The following NLGN1 variants were observed in gnomAD, a reference collection of about 807,000 sequenced individuals.
NLGN1 encodes the protein neuroligin-1.
Under a neutral mutation model 65.5 loss-of-function variants are expected in NLGN1, and 12 were observed. The observed-to-expected ratio is 0.18, with a 90% CI of 0.12 to 0.30. The LOEUF is 0.30. Ranked by LOEUF, NLGN1 falls within the 10% of genes least tolerant of loss-of-function variation. The pLI is 1.00. For missense variants in NLGN1, 750 were observed against 1,007.1 expected (o/e 0.74, Z 3.46); for synonymous variants, 350 against 359.5 (o/e 0.97, Z 0.30).
chr3:174,234,039 C>G (rs1391240780), intron 4 of NLGN1, among the ~76,000 whole-genome samples: 1 of 151,830 alleles, frequency 6.6e-6, no homozygotes, highest in Non-Finnish European at 1.5e-5. Context: ...TTTTAAGTTC[C>G]ATGTGAATAG....
chr3:173,974,844 T>C (rs1717067466), intron 4 of NLGN1, among the ~76,000 whole-genome samples: 1 of 152,102 alleles, frequency 6.6e-6, no homozygotes, highest in Non-Finnish European at 1.5e-5. Flanking sequence ...TCTTATTGTC[T>C]TATTTCCTAG....
rs1278831535 is a variant in NLGN1 at position 174,110,949 on chromosome 3, C to G, written c.647-164366C>G. ...ATAGTTACTTCTGCTTTTTAAAGGTCACAGTCAGAAACACCCAAAGTAAGT... is the reference window on the plus strand; with the variant it reads ...ATAGTTACTTCTGCTTTTTAAAGGTGACAGTCAGAAACACCCAAAGTAAGT... On this transcript the variant is annotated intron_variant, in intron 4 of 6. Transcript: ENST00000457714. 2.0e-5 allele frequency among the ~76,000 whole-genome samples: 3 copies of G among 151,878 alleles called. No homozygotes were observed. The East Asian group carries it at 5.8e-4, about 29-fold the overall frequency.
intron 4 of NLGN1, among the ~76,000 whole-genome samples, chr3:173,953,200 C>T (rs1308458389): frequency 6.6e-6 from 1 of 152,162 alleles, no homozygotes; most frequent in Admixed American, 6.5e-5. Context: ...TGTATTTAAA[C>T]ATGTAAGTGA....
intron 4 of NLGN1, among the ~76,000 whole-genome samples, chr3:174,073,394 C>A (rs989667181): frequency 1.4e-4 from 21 of 151,944 alleles, no homozygotes; most frequent in African/African-American, 4.3e-4. Flanking sequence ...GGCGGGGGGG[C>A]ACTTTAGCAT....
At chr3:173,433,651 G>T (rs1323503690) in intron 1 of NLGN1, among the ~76,000 whole-genome samples, 2 of 151,876 alleles carry the variant, frequency 1.3e-5, no homozygotes, top group Admixed American at 1.3e-4. Flanking sequence ...CTTTATTGCT[G>T]GTACATAGAT....
Position 174,018,006 on chromosome 3 carries a change from T to A in NLGN1, c.646+210174T>A, listed in dbSNP as rs1726957809. Reference sequence around the variant, plus strand: ...GGAGACCGGGGCTTATTTCATCCCTTATCTGCAACCATAAAAGACAGATGT... The same window carrying A: ...GGAGACCGGGGCTTATTTCATCCCTAATCTGCAACCATAAAAGACAGATGT... On this transcript the variant is annotated intron_variant, in intron 4 of 6. Coordinates refer to ENST00000457714, the Ensembl canonical transcript of NLGN1. Among the ~76,000 whole-genome samples the A allele has an allele frequency of 2.0e-5, 3 of 152,124 alleles. No individual in the cohort carries two copies. The South Asian group carries it at 6.2e-4, about 31-fold the overall frequency.
exon 7 of NLGN1, chr3:174,284,000 C>T (rs1300220163): frequency 1.3e-5 from 2 of 151,256 alleles, no homozygotes; most frequent in East Asian, 1.9e-4. Flanking sequence ...TATGTTTTAA[C>T]GATGGCCATA....
chr3:173,748,968 T>C (rs1410129866), intron 3 of NLGN1, among the ~76,000 whole-genome samples: 2 of 152,068 alleles, frequency 1.3e-5, no homozygotes, highest in Admixed American at 6.6e-5. Context: ...AGGTGCGTCA[T>C]TATATGCACA....
intron 2 of NLGN1, among the ~76,000 whole-genome samples, chr3:173,471,695 C>T (rs952081502): frequency 3.3e-5 from 5 of 152,116 alleles, no homozygotes; most frequent in African/African-American, 9.6e-5. Context: ...ATGCCTTTAA[C>T]ATTTATTAAG....
At position 174,076,531 on chromosome 3, in the gene NLGN1, C is replaced by T. The variant is rs540043063; in HGVS notation, c.647-198784C>T. 6.4e-4 allele frequency among the ~76,000 whole-genome samples: 98 copies of T among 152,258 alleles called. 2 individuals carry two copies. The South Asian group carries it at 0.02, about 31-fold the overall frequency. On this transcript the variant is annotated intron_variant, in intron 4 of 6. Transcript: ENST00000457714. Reference sequence around the variant, plus strand: ...TTCCTCTGTTCTCAACCAAAGGTTTCATCTAAACTGGAAATGTTTTTCTGT... The same window carrying T: ...TTCCTCTGTTCTCAACCAAAGGTTTTATCTAAACTGGAAATGTTTTTCTGT...
At chr3:174,065,994 T>C (rs1738467267) in intron 4 of NLGN1, among the ~76,000 whole-genome samples, 1 of 152,222 alleles carries the variant, frequency 6.6e-6, no homozygotes, top group African/African-American at 2.4e-5. Flanking sequence ...GAAACTATGA[T>C]GTAATAAATA....
intron 2 of NLGN1, among the ~76,000 whole-genome samples, chr3:173,576,381 A>C (rs1267077940): frequency 1.3e-5 from 2 of 152,176 alleles, no homozygotes; most frequent in Non-Finnish European, 2.9e-5. Flanking sequence ...AAACAACACA[A>C]ATTTATTATC....
chr3:174,146,631 G>C (rs1723331378), intron 4 of NLGN1, among the ~76,000 whole-genome samples: 1 of 149,410 alleles, frequency 6.7e-6, no homozygotes, highest in Admixed American at 6.7e-5. Flanking sequence ...TCAGTGTCGC[G>C]ATCTTGGCTC....
chr3:174,271,378 G>A (rs894539249), intron 4 of NLGN1, among the ~76,000 whole-genome samples: 4 of 151,548 alleles, frequency 2.6e-5, no homozygotes, highest in Non-Finnish European at 1.5e-5. Flanking sequence ...TATAAATTGA[G>A]TCAACCAATA....
At chr3:174,102,990 C>T (rs1712892328) in intron 4 of NLGN1, among the ~76,000 whole-genome samples, 1 of 152,162 alleles carries the variant, frequency 6.6e-6, no homozygotes, top group African/African-American at 2.4e-5. Context: ...CACTGACAGA[C>T]AATTAAACCT....
intron 3 of NLGN1, among the ~76,000 whole-genome samples, chr3:173,730,321 C>A (rs1772565381): frequency 3.3e-5 from 1 of 29,996 alleles, no homozygotes; most frequent in African/African-American, 9.7e-5. Flanking sequence ...TGCCCCACCG[C>A]TCCCCCCCCC....
chr3:173,702,083 C>CA (rs1767263018), intron 3 of NLGN1, among the ~76,000 whole-genome samples: 1 of 150,928 alleles, frequency 6.6e-6, no homozygotes, highest in East Asian at 1.9e-4. Context: ...ACTAAAAATA[C>CA]AAAAAATTAG....
intron 3 of NLGN1, among the ~76,000 whole-genome samples, chr3:173,734,208 G>A (rs1451285986): frequency 1.3e-5 from 2 of 151,616 alleles, no homozygotes; most frequent in Non-Finnish European, 2.9e-5. Context: ...TAATATTGAT[G>A]GCTTTAGAAT....
At chr3:173,552,582 A>G (rs1741049075) in intron 2 of NLGN1, among the ~76,000 whole-genome samples, 1 of 152,094 alleles carries the variant, frequency 6.6e-6, no homozygotes, top group South Asian at 2.1e-4. Context: ...ATTGGGCAAA[A>G]AGGAAAAAGG....
Sources: gnomAD v4.1 joint callset for allele counts (sites outside exome capture counted in the v4.1 genomes callset) on GRCh38, gnomAD v4.1.1 for gene constraint, MANE v1.5 for transcripts, NCBI Gene and HGNC (gene_info 2026-07-23, HGNC 2026-07-21) for gene names.